Variants in TMEM135 observed in about 807,000 individuals in gnomAD.
The protein encoded by TMEM135 is transmembrane protein 135.
Under a neutral mutation model 60.3 loss-of-function variants are expected in TMEM135, and 30 were observed. The observed-to-expected ratio is 0.50, with a 90% CI of 0.37 to 0.68. The LOEUF (loss-of-function observed/expected upper bound fraction) is 0.68. TMEM135 is among the 30% of genes least tolerant of loss of function. TMEM135 has a pLI of 0.00. For synonymous variants in TMEM135, 190 were observed against 186.7 expected, an observed-to-expected ratio of 1.02 and a Z score of -0.14; for missense variants, 468 against 548.8, an observed-to-expected ratio of 0.85 and a Z score of 1.47.
chr11:87,234,966 A>G (rs1291407423), intron 5 of TMEM135, among the ~76,000 whole-genome samples: 1 of 151,892 alleles, frequency 6.6e-6, no homozygotes, highest in Non-Finnish European at 1.5e-5. Context: ...AGAGGTTTTT[A>G]GTGTGATCTG....
At chr11:87,189,139 CCCTTTCCCTTT>C (rs1290215949) in intron 5 of TMEM135, among the ~76,000 whole-genome samples, 1 of 150,762 alleles carries the variant, frequency 6.6e-6, no homozygotes, top group Admixed American at 6.6e-5. Context: ...CTTTTCCTTT[CCCTTTCCCTTT>C]CCTTTCCCTT....
chr11:87,138,933 A>G (rs1938189007), intron 4 of TMEM135, among the ~76,000 whole-genome samples: 1 of 152,188 alleles, frequency 6.6e-6, no homozygotes, highest in African/African-American at 2.4e-5. Context: ...CAGGGTTTTC[A>G]TAACTTACTT....
intron 5 of TMEM135, among the ~76,000 whole-genome samples, chr11:87,163,390 G>A (rs1938946039): frequency 7.0e-6 from 1 of 143,216 alleles, no homozygotes; most frequent in Non-Finnish European, 1.5e-5. Context: ...TGGCTGCATA[G>A]TATTCCATGG....
chr11:87,124,609 A>G (rs986053399), intron 4 of TMEM135, among the ~76,000 whole-genome samples: 2 of 152,164 alleles, frequency 1.3e-5, no homozygotes, highest in South Asian at 2.1e-4. Flanking sequence ...GTCGTGTGGA[A>G]TAATCTTCAT....
chr11:87,318,301 G>C, intron 13 of TMEM135, 66 bp downstream of exon 13: 4 of 1,108,252 alleles, frequency 3.6e-6, no homozygotes, highest in Middle Eastern at 2.0e-4. Flanking sequence ...TAATCAAATG[G>C]GAGAGAAACA....
chr11:87,063,816 G>T (rs947981911), intron 1 of TMEM135, among the ~76,000 whole-genome samples: 2 of 152,146 alleles, frequency 1.3e-5, no homozygotes, highest in Non-Finnish European at 2.9e-5. Context: ...GTACAGTTTG[G>T]TCTATCAATA....
chr11:87,200,166 A>G (rs1318336647), intron 5 of TMEM135, among the ~76,000 whole-genome samples: 4 of 152,192 alleles, frequency 2.6e-5, no homozygotes, highest in Non-Finnish European at 5.9e-5. Context: ...ATAATTTAAA[A>G]TTATGGGATG....
At chr11:87,092,748 G>C (rs946698075) in intron 4 of TMEM135, among the ~76,000 whole-genome samples, 23 of 57,634 alleles carry the variant, frequency 4.0e-4, no homozygotes, top group Admixed American at 1.2e-3. Flanking sequence ...TAGAATTCTA[G>C]ATTGACAGTG....
intron 6 of TMEM135, among the ~76,000 whole-genome samples, chr11:87,274,758 C>CA (rs1659122242): frequency 6.8e-6 from 1 of 147,732 alleles, no homozygotes; most frequent in African/African-American, 2.5e-5. Context: ...GCTAGGAGTT[C>CA]AAAACCAGCC....
chr11:87,097,663 C>CGAA (rs1363150251), intron 4 of TMEM135, among the ~76,000 whole-genome samples: 1 of 152,188 alleles, frequency 6.6e-6, no homozygotes, highest in Non-Finnish European at 1.5e-5. Context: ...TCTGCTTCCT[C>CGAA]ATTCTCCACT....
chr11:87,312,012 T>G (rs991368304), intron 10 of TMEM135, among the ~76,000 whole-genome samples: 1 of 151,794 alleles, frequency 6.6e-6, no homozygotes, highest in Admixed American at 6.6e-5. Context: ...AGTTGGCCCT[T>G]TCTTTCTTAT....
chr11:87,060,192 G>A (rs936692952), intron 1 of TMEM135, among the ~76,000 whole-genome samples: 4 of 152,182 alleles, frequency 2.6e-5, no homozygotes, highest in Non-Finnish European at 5.9e-5. Flanking sequence ...GCTGGTTGTT[G>A]TCCAGTCTCT....
At position 87,322,171 on chromosome 11, in the gene TMEM135, A is replaced by G. The variant is rs1018201664; in HGVS notation, c.*838A>G. ...AGGTTTATGATGTTTGTTTTCATTT[A>G]TATGGACATAATCCTTCATAGCTCA... On this transcript the variant is annotated 3_prime_UTR_variant, in exon 15 of 15. Transcript: ENST00000305494. The G allele has an allele frequency of 4.4e-6, 2 of 454,318 alleles. No homozygotes were observed. Among genetic ancestry groups the G allele is most frequent in the African/African-American group, 4.0e-5 (2 of 50,014 alleles). 28.1% of individuals were successfully genotyped at this position (454,318 alleles called of 1,614,324 possible).
At chr11:87,074,610 TAG>T (rs1035518962) in intron 3 of TMEM135, among the ~76,000 whole-genome samples, 2 of 152,204 alleles carry the variant, frequency 1.3e-5, no homozygotes, top group African/African-American at 2.4e-5. Context: ...AACAATCAAC[TAG>T]AGTCAATGGT....
At position 87,327,760 on chromosome 11, in the gene TMEM135, T is replaced by G; in HGVS notation, c.*6427T>G. On this transcript the variant is annotated 3_prime_UTR_variant, in exon 15 of 15. Coordinates refer to ENST00000305494, the MANE Select transcript of TMEM135 (RefSeq NM_022918.4). Reference sequence around the variant, plus strand: ...GGCTGAATTTTCAAGTCTGAGAACCTGGGGGTGGGATGGGGGAGTGATAGT... The same window carrying G: ...GGCTGAATTTTCAAGTCTGAGAACCGGGGGGTGGGATGGGGGAGTGATAGT... 1 of 453,950 alleles carries G rather than the reference T, an allele frequency of 2.2e-6. No individual in the cohort carries two copies. The highest frequency in any genetic ancestry group is 1.6e-5 in the South Asian group (1 of 64,460). The allele number at this position is 453,950 out of a possible 1,614,324, so 28.1% of individuals were successfully genotyped here.
At chr11:87,235,027 G>T (rs1477940142) in intron 5 of TMEM135, among the ~76,000 whole-genome samples, 1 of 151,770 alleles carries the variant, frequency 6.6e-6, no homozygotes, top group Non-Finnish European at 1.5e-5. Flanking sequence ...TGAACATCTG[G>T]GAAGGATGAC....
At chr11:87,151,270 G>A (rs1312905642) in intron 4 of TMEM135, among the ~76,000 whole-genome samples, 1 of 152,066 alleles carries the variant, frequency 6.6e-6, no homozygotes, top group African/African-American at 2.4e-5. Context: ...TCCTGGAAGA[G>A]TTTCTCAACT....
intron 4 of TMEM135, among the ~76,000 whole-genome samples, chr11:87,108,241 T>A (rs1384614945): frequency 6.6e-6 from 1 of 152,224 alleles, no homozygotes; most frequent in Non-Finnish European, 1.5e-5. Context: ...TAGTTTCTTT[T>A]GCCATGCAGA....
In TMEM135 at chr11:87,303,285, TTC is replaced by T. The variant is rs140066947; in HGVS notation, c.698+845_698+846del. Reference sequence around the variant, plus strand: ...CGTACAAGGGATCTAAGTTGCGTGCTTCTTATGAGCATCTAATGCCTGATGAT... The same window carrying T: ...CGTACAAGGGATCTAAGTTGCGTGCTTTATGAGCATCTAATGCCTGATGAT... On this transcript the variant is annotated intron_variant, in intron 8 of 14. Transcript: ENST00000305494. Among the ~76,000 whole-genome samples the T allele has an allele frequency of 4.6e-4, 70 of 152,274 alleles. No individual in the cohort carries two copies. The East Asian group carries it at 0.013, about 28-fold the overall frequency.
Sources: allele counts gnomAD v4.1 joint callset (sites outside exome capture counted in the v4.1 genomes callset), GRCh38; gene constraint gnomAD v4.1.1; transcripts MANE v1.5; gene names NCBI Gene and HGNC (gene_info 2026-07-23, HGNC 2026-07-21).